Variants in TRAM2 observed in about 807,000 individuals in gnomAD.
TRAM2 encodes the protein translocating chain-associated membrane protein 2.
TRAM2 carries 12 observed loss-of-function variants against 51.0 expected under a neutral mutation model. That is an observed-to-expected ratio of 0.24 (90% confidence interval 0.15 to 0.38). TRAM2 has a LOEUF of 0.38. Ranked by LOEUF, TRAM2 falls within the 10% of genes least tolerant of loss-of-function variation. The pLI, the probability that TRAM2 is intolerant of heterozygous loss-of-function variation, is 1.00. For synonymous variants in TRAM2, 175 were observed against 179.4 expected, an observed-to-expected ratio of 0.98 and a Z score of 0.20; for missense variants, 361 against 462.0, an observed-to-expected ratio of 0.78 and a Z score of 2.00.
At chr6:52,553,429 T>A (rs1202096880) in intron 1 of TRAM2, among the ~76,000 whole-genome samples, 1 of 152,198 alleles carries the variant, frequency 6.6e-6, no homozygotes, top group East Asian at 1.9e-4. Context: ...TGTAGCAGCA[T>A]GTGTAGTAGC....
rs147427388 is a variant in TRAM2, at chr6:52,522,750, A to G, written c.185-6013T>C. On this transcript the variant is annotated intron_variant, in intron 2 of 10. Transcript: ENST00000182527. ...TTATCTTTGATTACAGTTTAAAGAG[A>G]GACCTGAAATAATCAGAATCTTGGC... 2.0e-4 allele frequency: 117 copies of G among 595,024 alleles called. 1 individual carries two copies. The highest frequency in any genetic ancestry group is 2.7e-4 in the Non-Finnish European group (92 of 335,408). 36.9% of individuals were successfully genotyped at this position (595,024 alleles called of 1,614,324 possible).
chr6:52,572,130 C>T (rs1217908360), intron 1 of TRAM2, among the ~76,000 whole-genome samples: 1 of 152,220 alleles, frequency 6.6e-6, no homozygotes, highest in Non-Finnish European at 1.5e-5. Flanking sequence ...ATGGAGACAT[C>T]TGTACAGAAA....
At chr6:52,560,474 C>T (rs1047126376) in intron 1 of TRAM2, among the ~76,000 whole-genome samples, 7 of 152,172 alleles carry the variant, frequency 4.6e-5, no homozygotes, top group African/African-American at 1.7e-4. Context: ...CATGTCAACA[C>T]AGAAAGATTG....
At chr6:52,529,057 A>AT (rs927491307) in intron 2 of TRAM2, among the ~76,000 whole-genome samples, 3 of 151,838 alleles carry the variant, frequency 2.0e-5, no homozygotes, top group Admixed American at 2.0e-4. Flanking sequence ...CGCCCGGCTA[A>AT]TTTTTTTGTA....
At chr6:52,548,239 T>C (rs1178417034) in intron 1 of TRAM2, among the ~76,000 whole-genome samples, 2 of 152,210 alleles carry the variant, frequency 1.3e-5, no homozygotes, top group African/African-American at 4.8e-5. Flanking sequence ...AGTCAGGCTA[T>C]ACATCTATCT....
At chr6:52,505,066 T>C (rs974269532) in intron 9 of TRAM2, among the ~76,000 whole-genome samples, 1 of 152,240 alleles carries the variant, frequency 6.6e-6, no homozygotes, top group South Asian at 2.1e-4. Context: ...TTTGCGCCCA[T>C]TGCACAGAAC....
At chr6:52,523,388 G>A in intron 2 of TRAM2, 1 of 150,522 alleles carries the variant, frequency 6.6e-6, no homozygotes, top group Non-Finnish European at 1.5e-5. Flanking sequence ...GAGTAGAAAT[G>A]AACAAAGGAT....
intron 2 of TRAM2, among the ~76,000 whole-genome samples, chr6:52,533,559 C>A (rs1766929096): frequency 6.6e-6 from 1 of 152,194 alleles, no homozygotes; most frequent in Non-Finnish European, 1.5e-5. Flanking sequence ...TTGCCAATGT[C>A]CCTCAGTTTG....
intron 4 of TRAM2, among the ~76,000 whole-genome samples, chr6:52,511,181 G>A (rs1369016668): frequency 6.6e-6 from 1 of 152,188 alleles, no homozygotes; most frequent in African/African-American, 2.4e-5. Flanking sequence ...TCAGCTCACT[G>A]CAACCTCTGC....
At chr6:52,571,841 A>G (rs1419647003) in intron 1 of TRAM2, among the ~76,000 whole-genome samples, 4 of 152,248 alleles carry the variant, frequency 2.6e-5, no homozygotes, top group South Asian at 4.1e-4. Context: ...AGACCCACCA[A>G]TGAAGTCAGT....
chr6:52,540,167 T>C (rs1767052833), intron 1 of TRAM2, among the ~76,000 whole-genome samples: 1 of 151,460 alleles, frequency 6.6e-6, no homozygotes, highest in African/African-American at 2.4e-5. Flanking sequence ...GGTTTATAGA[T>C]GAAAAAGCCA....
At chr6:52,574,921 C>G (rs574089185) in intron 1 of TRAM2, among the ~76,000 whole-genome samples, 1 of 152,116 alleles carries the variant, frequency 6.6e-6, no homozygotes, top group Non-Finnish European at 1.5e-5. Context: ...ACAGGCTATG[C>G]GAGAAACTTC....
intron 2 of TRAM2, chr6:52,523,118 G>C: frequency 2.3e-6 from 1 of 425,826 alleles, no homozygotes; most frequent in Non-Finnish European, 4.1e-6. Flanking sequence ...GTTTCTTTCC[G>C]AATCCCTGCA....
chr6:52,564,130 C>T (rs1767550861), intron 1 of TRAM2, among the ~76,000 whole-genome samples: 1 of 152,098 alleles, frequency 6.6e-6, no homozygotes, highest in Non-Finnish European at 1.5e-5. Flanking sequence ...CTGACAAACT[C>T]ATACTGACTA....
intron 4 of TRAM2, among the ~76,000 whole-genome samples, chr6:52,515,263 G>A (rs1180957218): frequency 6.6e-6 from 1 of 152,140 alleles, no homozygotes; most frequent in Non-Finnish European, 1.5e-5. Context: ...GGTGGTGGTG[G>A]GTACTAACTC....
chr6:52,531,437 C>T (rs1562481599), intron 2 of TRAM2, among the ~76,000 whole-genome samples: 1 of 152,224 alleles, frequency 6.6e-6, no homozygotes, highest in African/African-American at 2.4e-5. Flanking sequence ...TTTATCTTCT[C>T]TTGCTAAAGT....
chr6:52,573,679 C>G (rs1767717537), intron 1 of TRAM2, among the ~76,000 whole-genome samples: 1 of 152,058 alleles, frequency 6.6e-6, no homozygotes, highest in African/African-American at 2.4e-5. Context: ...GGAAATTATC[C>G]CAAGGGAAAG....
Position 52,502,909 on chromosome 6 carries a change from G to A in TRAM2, c.*288C>T. 1 of 426,282 alleles carries A rather than the reference G, an allele frequency of 2.3e-6. No individual in the cohort carries two copies. Among genetic ancestry groups the A allele is most frequent in the Non-Finnish European group, 4.2e-6 (1 of 238,844 alleles). 26.4% of individuals were successfully genotyped at this position (426,282 alleles called of 1,614,324 possible). A position where few individuals can be genotyped will look rare whatever the true frequency, so the allele number is the denominator to read the frequency against. On this transcript the variant is annotated 3_prime_UTR_variant, in exon 11 of 11. Transcript: ENST00000182527. The stretch of plus-strand genomic sequence containing the variant: ...AGCAAGCAGAAAGGTGCCAGCCATG[G>A]GCGCCTGGCGTTCCAGAAAAGCCAG...
intron 1 of TRAM2, among the ~76,000 whole-genome samples, chr6:52,545,105 C>T (rs1327543709): frequency 6.6e-6 from 1 of 152,224 alleles, no homozygotes; most frequent in Non-Finnish European, 1.5e-5. Flanking sequence ...AGGCTAGTCT[C>T]CATTCCAAGC....
Sources: allele counts gnomAD v4.1 joint callset (sites outside exome capture counted in the v4.1 genomes callset), GRCh38; gene constraint gnomAD v4.1.1; transcripts MANE v1.5; gene names NCBI Gene and HGNC (gene_info 2026-07-23, HGNC 2026-07-21).